The following GRAMD2A variants were observed in gnomAD, a reference collection of about 807,000 sequenced individuals.
The protein encoded by GRAMD2A is GRAM domain containing 2A, also known as GRAM domain-containing protein 2A.
Under a neutral mutation model 51.1 loss-of-function variants are expected in GRAMD2A, and 37 were observed. The ratio of observed to expected loss-of-function variants is 0.72; its 90% confidence interval spans 0.56 to 0.95. The LOEUF is 0.95. GRAMD2A is among the 40% of genes least tolerant of loss of function. The probability of loss-of-function intolerance (pLI) is 0.00; values close to 1 mark genes in which losing one functional copy is unlikely to be tolerated. For synonymous variants in GRAMD2A, 136 were observed against 157.1 expected, an observed-to-expected ratio of 0.87 and a Z score of 1.01; for missense variants, 414 against 426.9, an observed-to-expected ratio of 0.97 and a Z score of 0.27.
rs867862448 is a variant in GRAMD2A, at chr15:72,186,327, A to T, written c.41+11404T>A. Among the ~76,000 whole-genome samples, 4 of 151,154 alleles carry T rather than the reference A, an allele frequency of 2.6e-5. No individual in the cohort carries two copies. In the South Asian group the frequency reaches 8.4e-4, roughly 32 times the overall value. On this transcript the variant is annotated intron_variant, in intron 1 of 11. Coordinates refer to ENST00000309731, the MANE Select transcript of GRAMD2A (RefSeq NM_001012642.3). ...TTCTTTTTCTTTTATTTATTTATTT[A>T]ATTTTTTTTTTTTTTGAGACAGAGT...
intron 5 of GRAMD2A, 35 bp from the exon 6 acceptor site, chr15:72,167,127 C>T (rs755084913): frequency 2.7e-5 from 41 of 1,497,266 alleles, no homozygotes; most frequent in East Asian, 2.3e-4. Context: ...TCAGGACTAA[C>T]CCCCAAGGAC....
chr15:72,168,628 C>A, intron 3 of GRAMD2A, 62 bp from the exon 4 acceptor site: 1 of 1,387,700 alleles, frequency 7.2e-7, no homozygotes, highest in South Asian at 1.2e-5. Context: ...AGGGGCCCTG[C>A]TCCAGCCAAC....
intron 1 of GRAMD2A, among the ~76,000 whole-genome samples, chr15:72,193,378 A>T (rs1387334844): frequency 6.7e-6 from 1 of 150,286 alleles, no homozygotes; most frequent in African/African-American, 2.4e-5. Flanking sequence ...CACCACGCCC[A>T]GCAAATTTTT....
intron 1 of GRAMD2A, chr15:72,176,468 G>A (rs1361841814): frequency 1.3e-5 from 2 of 152,714 alleles, no homozygotes; most frequent in African/African-American, 4.8e-5. Flanking sequence ...CCAGGCCAAA[G>A]ACAGCTCCAC....
chr15:72,171,934 A>G (rs2140549824), intron 1 of GRAMD2A, among the ~76,000 whole-genome samples: 1 of 151,734 alleles, frequency 6.6e-6, no homozygotes, highest in Non-Finnish European at 1.5e-5. Context: ...GGTTCCAGCA[A>G]TTCTCCTGCC....
intron 5 of GRAMD2A, 119 bp from the exon 6 acceptor site, chr15:72,167,211 T>A (rs2081556582): frequency 8.1e-6 from 6 of 745,028 alleles, no homozygotes. Flanking sequence ...CCTGGCCCCA[T>A]GTGGGGAAGT....
At position 72,163,605 on chromosome 15, in the gene GRAMD2A, G is replaced by A. The variant is rs188785121; in HGVS notation, c.745+8C>T. 42 of 1,595,242 alleles carry A rather than the reference G, an allele frequency of 2.6e-5. No homozygotes were observed. In the East Asian group the frequency reaches 4.3e-4, roughly 16 times the overall value. On this transcript the variant is annotated splice_region_variant and intron_variant, in intron 9 of 11. Coordinates refer to ENST00000309731, the MANE Select transcript of GRAMD2A (RefSeq NM_001012642.3). ...GTAGTTGCCATGGACAAGCCCTCCC[G>A]AACTTACCAGACATTGGAGGCTTCC...
chr15:72,168,802 C>G, intron 3 of GRAMD2A, 137 bp downstream of exon 3: 2 of 819,242 alleles, frequency 2.4e-6, no homozygotes. Flanking sequence ...ACTACTCCCA[C>G]CCAGGAAGGG....
In GRAMD2A at chr15:72,161,909, T is replaced by C. The variant is rs2081479754; in HGVS notation, c.*100A>G. On this transcript the variant is annotated 3_prime_UTR_variant, in exon 12 of 12. Coordinates refer to ENST00000309731, the MANE Select transcript of GRAMD2A (RefSeq NM_001012642.3). The stretch of plus-strand genomic sequence containing the variant: ...GGAATATTTTCCTTCATAGGCAGTC[T>C]TAGCACAGCAGCAGCATAAACCACA... 1 of 1,284,556 alleles carries C rather than the reference T, an allele frequency of 7.8e-7. No homozygotes were observed. The highest frequency in any genetic ancestry group is 1.1e-6 in the Non-Finnish European group (1 of 879,654). 79.6% of individuals were successfully genotyped at this position (1,284,556 alleles called of 1,614,324 possible).
intron 2 of GRAMD2A, chr15:72,169,238 A>G: frequency 1.8e-6 from 1 of 568,066 alleles, no homozygotes; most frequent in Non-Finnish European, 3.2e-6. Context: ...CACCTTCCCC[A>G]GTGCGGGTGA....
rs28530625 is a variant in GRAMD2A at position 72,193,745 on chromosome 15, C to A, written c.41+3986G>T. Among the ~76,000 whole-genome samples, 197 of 152,028 alleles carry A rather than the reference C, an allele frequency of 1.3e-3. 1 individual carries two copies. The highest frequency in any genetic ancestry group is 4.6e-3 in the African/African-American group (189 of 41,444). ...GTTTCGCCCTGTTAGCCAGGATGGT[C>A]TCGATCTCCTGACCTCGTGATCCGC... On this transcript the variant is annotated intron_variant, in intron 1 of 11. Transcript: ENST00000309731.
Position 72,178,647 on chromosome 15 carries a change from C to T in GRAMD2A, c.42-8708G>A, listed in dbSNP as rs549936199. 5.8e-5 allele frequency among the ~76,000 whole-genome samples: 8 copies of T among 138,414 alleles called. No homozygotes were observed. In the South Asian group the frequency reaches 9.4e-4, roughly 16 times the overall value. The allele number at this position is 138,414 out of a possible 152,430, so 90.8% of individuals were successfully genotyped here. On this transcript the variant is annotated intron_variant, in intron 1 of 11. Transcript: ENST00000309731. ...CTGGAGTGCAGTGGCGCAATCTCGG[C>T]TCACTGCCAGCTCTGCCTCTGGGTT...
chr15:72,168,863 A>T, intron 3 of GRAMD2A, 76 bp downstream of exon 3: 2 of 1,358,076 alleles, frequency 1.5e-6, no homozygotes, highest in African/African-American at 1.4e-5. Context: ...GTGGCCAAGG[A>T]GCCAAAAGTC....
Position 72,163,612 on chromosome 15 carries a change from C to A in GRAMD2A, c.745+1G>T, listed in dbSNP as rs751549652. 7 of 1,595,770 alleles carry A rather than the reference C, an allele frequency of 4.4e-6. No individual in the cohort carries two copies. The South Asian group carries it at 6.8e-5, about 16-fold the overall frequency. On this transcript the variant is annotated splice_donor_variant, in intron 9 of 11. Coordinates refer to ENST00000309731, the MANE Select transcript of GRAMD2A (RefSeq NM_001012642.3). LOFTEE classifies it high-confidence loss of function. Reference sequence around the variant, plus strand: ...CCATGGACAAGCCCTCCCGAACTTACCAGACATTGGAGGCTTCCTGGAGGG... The same window carrying A: ...CCATGGACAAGCCCTCCCGAACTTAACAGACATTGGAGGCTTCCTGGAGGG...
At chr15:72,191,370 T>C (rs2140561306) in intron 1 of GRAMD2A, among the ~76,000 whole-genome samples, 1 of 152,294 alleles carries the variant, frequency 6.6e-6, no homozygotes, top group Non-Finnish European at 1.5e-5. Flanking sequence ...CAGCTAATTT[T>C]TGTATTTTTT....
At chr15:72,179,740 G>A (rs2081682944) in intron 1 of GRAMD2A, among the ~76,000 whole-genome samples, 1 of 152,192 alleles carries the variant, frequency 6.6e-6, no homozygotes, top group South Asian at 2.1e-4. Flanking sequence ...CATTGAGCAG[G>A]ACGTCCCCGA....
intron 1 of GRAMD2A, among the ~76,000 whole-genome samples, chr15:72,172,885 C>T (rs951705229): frequency 3.9e-5 from 6 of 152,058 alleles, no homozygotes; most frequent in African/African-American, 1.4e-4. Context: ...GTATGTTTCT[C>T]GCTTGGTCTC....
chr15:72,175,756 A>G (rs2081648038), intron 1 of GRAMD2A: 1 of 151,930 alleles, frequency 6.6e-6, no homozygotes, highest in African/African-American at 2.4e-5. Context: ...CCCCCAGTTG[A>G]CTCTGAGCTC....
chr15:72,167,802 C>T lies in GRAMD2A; in HGVS notation c.306G>A (p.Gln102=). The change falls in exon 5 of 12, where the codon CAG becomes CAA. Residue 102 remains glutamine, a synonymous_variant. Coordinates refer to ENST00000309731, the MANE Select transcript of GRAMD2A (RefSeq NM_001012642.3). The part of the protein sequence containing the change: ...SCALQRDFLL[Q]GRLYISPNWL... ...AGTTGGGGGAGATGTAGAGCCGGCC[C>T]TGGAGGAGGAAGTCCCTCTGGAGGG... 3 of 1,614,100 alleles carry T rather than the reference C, an allele frequency of 1.9e-6. No homozygotes were observed. Among genetic ancestry groups the T allele is most frequent in the Non-Finnish European group, 2.5e-6 (3 of 1,179,982 alleles).
Sources: allele counts gnomAD v4.1 joint callset (sites outside exome capture counted in the v4.1 genomes callset), GRCh38; gene constraint gnomAD v4.1.1; transcripts MANE v1.5; gene names NCBI Gene and HGNC (gene_info 2026-07-23, HGNC 2026-07-21).